PTK2: variants seen among roughly 807,000 people sequenced by gnomAD.
The protein encoded by PTK2 is protein tyrosine kinase 2.
Under a neutral mutation model 150.1 loss-of-function variants are expected in PTK2, and 45 were observed. The ratio of observed to expected loss-of-function variants is 0.30; its 90% confidence interval spans 0.24 to 0.38. The LOEUF (loss-of-function observed/expected upper bound fraction) is 0.38. Among genes scored for constraint, PTK2 ranks in the 10% least tolerant of loss-of-function variants. The probability of loss-of-function intolerance (pLI) is 1.00; values close to 1 mark genes in which losing one functional copy is unlikely to be tolerated. For missense variants in PTK2, 919 were observed against 1,307.3 expected, an observed-to-expected ratio of 0.70 and a Z score of 4.58; for synonymous variants, 432 against 449.2, an observed-to-expected ratio of 0.96 and a Z score of 0.48.
chr8:140,902,924 GTTTTTTTTTTTTTTTTTT>G (rs61261890), intron 2 of PTK2, among the ~76,000 whole-genome samples: 8 of 58,950 alleles, frequency 1.4e-4, no homozygotes, highest in African/African-American at 2.4e-4. Context: ...GATGAGAGTT[GTTTTTTTTTTTTTTTTTT>G]TTTTTTTTTT....
chr8:140,894,752 A>G (rs1427519702), intron 2 of PTK2, among the ~76,000 whole-genome samples: 3 of 152,254 alleles, frequency 2.0e-5, no homozygotes, highest in Admixed American at 6.5e-5. Context: ...GAGACTGGTT[A>G]CACATGGGAG....
chr8:140,962,674 C>A (rs530152287), intron 1 of PTK2, among the ~76,000 whole-genome samples: 2 of 151,774 alleles, frequency 1.3e-5, no homozygotes, highest in South Asian at 4.2e-4. Context: ...CCCAGCTACT[C>A]GGGAGGCTGA....
At chr8:140,734,904 T>A in intron 22 of PTK2, 1 of 425,028 alleles carries the variant, frequency 2.4e-6, no homozygotes, top group South Asian at 1.9e-5. Context: ...TATTGCTGGA[T>A]CACAAAGTGT....
intron 31 of PTK2, among the ~76,000 whole-genome samples, chr8:140,664,236 C>T (rs2086040983): frequency 6.6e-6 from 1 of 152,210 alleles, no homozygotes; most frequent in Non-Finnish European, 1.5e-5. Flanking sequence ...TCCGCCTCAG[C>T]CTCCCAAAGT....
exon 8 of PTK2, chr8:140,830,506 C>A (rs770081426): frequency 1.3e-6 from 2 of 1,537,110 alleles, no homozygotes; most frequent in South Asian, 1.2e-5. Flanking sequence ...AGGAAAAAAT[C>A]GCTTTAAACC....
rs142306673 is a variant in PTK2, at chr8:140,819,596, C to A, written c.649-576G>T. Among the ~76,000 whole-genome samples the A allele has an allele frequency of 9.8e-3, 1,497 of 152,272 alleles. 21 individuals are homozygous for A. Among genetic ancestry groups the A allele is most frequent in the African/African-American group, 0.034 (1,434 of 41,566 alleles). Reference sequence around the variant, plus strand: ...TCTTCTCAACCAACATTCTATGCAGCCTCAAGAACTGTTTTGGAGAACTAA... The same window carrying A: ...TCTTCTCAACCAACATTCTATGCAGACTCAAGAACTGTTTTGGAGAACTAA... On this transcript the variant is annotated intron_variant, in intron 8 of 31. Transcript: ENST00000522684.
At chr8:140,745,828 T>C (rs1184279910) in intron 18 of PTK2, among the ~76,000 whole-genome samples, 1 of 151,670 alleles carries the variant, frequency 6.6e-6, no homozygotes, top group Non-Finnish European at 1.5e-5. Flanking sequence ...GGTGAAACCC[T>C]GTCTCCATTA....
chr8:140,766,014 C>T (rs1333431823), intron 14 of PTK2, among the ~76,000 whole-genome samples: 1 of 152,122 alleles, frequency 6.6e-6, no homozygotes, highest in East Asian at 1.9e-4. Context: ...TCACTGCTTC[C>T]TTTCATATAA....
intron 14 of PTK2, among the ~76,000 whole-genome samples, chr8:140,769,851 A>G (rs1171458029): frequency 1.3e-5 from 2 of 152,262 alleles, no homozygotes; most frequent in African/African-American, 2.4e-5. Flanking sequence ...TTACACAGCT[A>G]AAGTATTACA....
chr8:140,878,612 A>T lies in PTK2; in HGVS notation c.362+859T>A, dbSNP rs935596813. Among the ~76,000 whole-genome samples the T allele has an allele frequency of 1.3e-5, 2 of 151,986 alleles. 1 individual carries two copies. Among genetic ancestry groups the T allele is most frequent in the Admixed American group, 1.3e-4 (2 of 15,260 alleles). On this transcript the variant is annotated intron_variant, in intron 4 of 31. Coordinates refer to ENST00000522684, the Ensembl canonical transcript of PTK2. ...CTGTCTCAAAAAAGAAAAAAAAAAA[A>T]TTATTCACCTTAACATGTTTGTCTT...
exon 32 of PTK2, chr8:140,659,017 T>C (rs995001824): frequency 1.7e-5 from 4 of 229,164 alleles, no homozygotes; most frequent in Non-Finnish European, 3.5e-5. Flanking sequence ...TGGATAATAA[T>C]TCTATGGTAG....
chr8:140,747,202 T>G (rs1038292996), intron 17 of PTK2: 83 of 199,114 alleles, frequency 4.2e-4, no homozygotes, highest in Non-Finnish European at 6.7e-4. Context: ...GTTATTCTTT[T>G]GAAAACTCTT....
chr8:140,996,614 G>A (rs1464625559), intron 1 of PTK2, among the ~76,000 whole-genome samples: 4 of 152,198 alleles, frequency 2.6e-5, no homozygotes, highest in Non-Finnish European at 5.9e-5. Flanking sequence ...GGGTCCTTAA[G>A]AACGATGCTA....
At chr8:140,897,416 C>T (rs1019132953) in intron 2 of PTK2, among the ~76,000 whole-genome samples, 1 of 152,058 alleles carries the variant, frequency 6.6e-6, no homozygotes, top group Non-Finnish European at 1.5e-5. Context: ...AATGTTTTAT[C>T]TGCTTGTCAA....
intron 1 of PTK2, among the ~76,000 whole-genome samples, chr8:140,983,380 CAAAA>C (rs34040387): frequency 1.3e-5 from 1 of 78,536 alleles, no homozygotes; most frequent in Non-Finnish European, 2.4e-5. Flanking sequence ...GACTCCATCT[CAAAA>C]AAAAAAAAAA....
At chr8:140,925,356 C>A (rs545990491) in intron 2 of PTK2, among the ~76,000 whole-genome samples, 1 of 152,152 alleles carries the variant, frequency 6.6e-6, no homozygotes, top group Non-Finnish European at 1.5e-5. Context: ...CTCCAATTAG[C>A]ACTTGATAAT....
intron 4 of PTK2, among the ~76,000 whole-genome samples, chr8:140,873,459 T>C (rs1295487112): frequency 3.3e-5 from 4 of 120,376 alleles, no homozygotes; most frequent in Non-Finnish European, 8.3e-5. Context: ...CTGAAGTGTC[T>C]GCAATTTTTT....
exon 27 of PTK2, chr8:140,686,674 A>G: frequency 6.2e-7 from 1 of 1,613,916 alleles, no homozygotes; most frequent in Non-Finnish European, 8.5e-7. Context: ...TACTGCCTCG[A>G]GAGAGTCTCA....
intron 1 of PTK2, among the ~76,000 whole-genome samples, chr8:140,990,701 TTTTG>T (rs1306466798): frequency 6.6e-6 from 1 of 152,212 alleles, no homozygotes; most frequent in Non-Finnish European, 1.5e-5. Flanking sequence ...ATTATTTTAA[TTTTG>T]TTTATCCCTA....
Sources: gnomAD v4.1 joint callset for allele counts (sites outside exome capture counted in the v4.1 genomes callset) on GRCh38, gnomAD v4.1.1 for gene constraint, MANE v1.5 for transcripts, NCBI Gene and HGNC (gene_info 2026-07-23, HGNC 2026-07-21) for gene names.